The following LDLRAD4 variants were observed in gnomAD, a reference collection of about 807,000 sequenced individuals.
The protein encoded by LDLRAD4 is low density lipoprotein receptor class A domain containing 4.
A neutral mutation model predicts 17.0 loss-of-function variants in LDLRAD4; 5 were observed. The ratio of observed to expected loss-of-function variants is 0.29; its 90% confidence interval spans 0.15 to 0.62. The LOEUF (loss-of-function observed/expected upper bound fraction) is 0.62. Among genes scored for constraint, LDLRAD4 ranks in the 20% least tolerant of loss-of-function variants. LDLRAD4 has a pLI of 0.84. For synonymous variants in LDLRAD4, 168 were observed against 171.8 expected (o/e 0.98, Z 0.17); for missense variants, 340 against 424.7 (o/e 0.80, Z 1.75).
intron 1 of LDLRAD4, among the ~76,000 whole-genome samples, chr18:13,305,967 A>C (rs1218882808): frequency 6.6e-6 from 1 of 152,224 alleles, no homozygotes; most frequent in Non-Finnish European, 1.5e-5. Flanking sequence ...CTAAAGATGG[A>C]GAATTCAGTG....
chr18:13,284,372 A>C (rs943310599), intron 1 of LDLRAD4, among the ~76,000 whole-genome samples: 1 of 152,122 alleles, frequency 6.6e-6, no homozygotes, highest in Admixed American at 6.5e-5. Context: ...TTTCTCATCA[A>C]GCAGACCTGT....
chr18:13,386,922 A>G (rs796902754), intron 1 of LDLRAD4, among the ~76,000 whole-genome samples: 5 of 48,564 alleles, frequency 1.0e-4, no homozygotes, highest in Non-Finnish European at 1.9e-4. Flanking sequence ...ATAGATAGAT[A>G]GATAGATAGA....
rs937098773 is a variant in LDLRAD4 at position 13,391,811 on chromosome 18, A to T, written c.40+4049A>T. Among the ~76,000 whole-genome samples the T allele has an allele frequency of 2.6e-5, 4 of 152,210 alleles. No homozygotes were observed. In the East Asian group the frequency reaches 7.7e-4, roughly 29 times the overall value. ...AACTGTGTTCATAATAGTATTTAAT[A>T]TGGTAACTTGATCATTCCCTTTTAA... is the stretch of plus-strand genomic sequence containing the variant. On this transcript the variant is annotated intron_variant, in intron 2 of 5. Coordinates refer to ENST00000359446, the Ensembl canonical transcript of LDLRAD4.
In LDLRAD4 at chr18:13,297,989, G is replaced by A. The variant is rs529298396; in HGVS notation, c.-383+19801G>A. ...AGGCGCTAACCAGGAAGATGCATGG[G>A]GCATGCAGCAGGCAGAGCCTGGGTA... is the stretch of plus-strand genomic sequence containing the variant. On this transcript the variant is annotated intron_variant, in intron 1 of 5. Coordinates refer to ENST00000359446, the Ensembl canonical transcript of LDLRAD4. Among the ~76,000 whole-genome samples the A allele has an allele frequency of 5.3e-5, 8 of 152,342 alleles. No homozygotes were observed. The East Asian group carries it at 1.4e-3, about 26-fold the overall frequency.
At chr18:13,517,500 T>A (rs985217043) in intron 3 of LDLRAD4, among the ~76,000 whole-genome samples, 1 of 152,210 alleles carries the variant, frequency 6.6e-6, no homozygotes, top group Non-Finnish European at 1.5e-5. Context: ...TCCTTAGATG[T>A]CTGAATGTCT....
At chr18:13,528,954 G>T (rs969997624) in intron 3 of LDLRAD4, among the ~76,000 whole-genome samples, 1 of 152,242 alleles carries the variant, frequency 6.6e-6, no homozygotes, top group African/African-American at 2.4e-5. Flanking sequence ...CACGCTTTGG[G>T]TAGCGAGAGC....
chr18:13,272,145 C>T lies in LDLRAD4; in HGVS notation c.-466-5960C>T, dbSNP rs180673098. Among the ~76,000 whole-genome samples, 481 of 152,290 alleles carry T rather than the reference C, an allele frequency of 3.2e-3. 5 individuals are homozygous for T. The highest frequency in any genetic ancestry group is 0.011 in the African/African-American group (447 of 41,552). ...TCTTGACCTCGTGATCCACCCGCCTCAGCCTCCCAAAGTGCTGGGATTACA... is the reference window on the plus strand; with the variant it reads ...TCTTGACCTCGTGATCCACCCGCCTTAGCCTCCCAAAGTGCTGGGATTACA... On this transcript the variant is annotated intron_variant, in intron 1 of 5. Coordinates refer to the LDLRAD4 transcript ENST00000399848.
chr18:13,241,316 A>T (rs1057455288), intron 1 of LDLRAD4: 1 of 152,254 alleles, frequency 6.6e-6, no homozygotes, highest in Non-Finnish European at 1.5e-5. Flanking sequence ...GTCGAGTTCC[A>T]TGCTGGCCCC....
At chr18:13,605,995 A>T (rs185756202) in intron 3 of LDLRAD4, among the ~76,000 whole-genome samples, 4 of 152,240 alleles carry the variant, frequency 2.6e-5, no homozygotes, top group Non-Finnish European at 5.9e-5. Context: ...CTCCCAGGGG[A>T]TGCTGCTGCT....
chr18:13,560,782 C>A lies in LDLRAD4; in HGVS notation c.182-60335C>A, dbSNP rs181993143. Among the ~76,000 whole-genome samples, 106 of 152,290 alleles carry A rather than the reference C, an allele frequency of 7.0e-4. 1 individual carries two copies. The highest frequency in any genetic ancestry group is 2.4e-3 in the African/African-American group (101 of 41,564). Reference sequence around the variant, plus strand: ...AAAACTCCAATCTCAATTCCAACATCAAGTGTCCATGAAGCTGTAGTTGTT... The same window carrying A: ...AAAACTCCAATCTCAATTCCAACATAAAGTGTCCATGAAGCTGTAGTTGTT... On this transcript the variant is annotated intron_variant, in intron 3 of 5. Transcript: ENST00000359446.
intron 2 of LDLRAD4, among the ~76,000 whole-genome samples, chr18:13,388,746 C>T (rs1446518483): frequency 1.3e-5 from 2 of 152,212 alleles, no homozygotes; most frequent in Non-Finnish European, 2.9e-5. Flanking sequence ...GCCGTGGCTT[C>T]GGCGTGAAGA....
At chr18:13,537,568 C>A (rs1012340486) in intron 3 of LDLRAD4, among the ~76,000 whole-genome samples, 1 of 152,152 alleles carries the variant, frequency 6.6e-6, no homozygotes, top group African/African-American at 2.4e-5. Flanking sequence ...GCTCCCTCAC[C>A]CACCGCTCAC....
At chr18:13,258,893 C>T (rs1485357949) in intron 1 of LDLRAD4, among the ~76,000 whole-genome samples, 1 of 152,162 alleles carries the variant, frequency 6.6e-6, no homozygotes, top group Non-Finnish European at 1.5e-5. Flanking sequence ...CCCAGAAGCA[C>T]CATCTAAAAG....
At chr18:13,370,715 T>TTTTTTTTTTTGTTG (rs1555663257) in intron 1 of LDLRAD4, among the ~76,000 whole-genome samples, 5 of 121,000 alleles carry the variant, frequency 4.1e-5, no homozygotes, top group Admixed American at 8.5e-5. Flanking sequence ...TTTGTTTTGT[T>TTTTTTTTTTTGTTG]TTTTTTTTTT....
intron 4 of LDLRAD4, among the ~76,000 whole-genome samples, chr18:13,630,943 G>T (rs1568431178): frequency 6.6e-6 from 1 of 152,342 alleles, no homozygotes; most frequent in East Asian, 1.9e-4. Context: ...ACTGTGTTCA[G>T]TGCTCTCCCT....
chr18:13,276,668 ATGAGGT>A (rs1454224392), upstream of LDLRAD4, among the ~76,000 whole-genome samples: 1 of 152,208 alleles, frequency 6.6e-6, no homozygotes, highest in African/African-American at 2.4e-5. Flanking sequence ...AGGCCCCATC[ATGAGGT>A]GGCAGCTCGC....
At chr18:13,319,762 C>T (rs1315544001) in intron 1 of LDLRAD4, among the ~76,000 whole-genome samples, 2 of 151,976 alleles carry the variant, frequency 1.3e-5, no homozygotes. Flanking sequence ...TGGCAAAAAC[C>T]ATGAAAAGGG....
chr18:13,443,180 A>G (rs1316915856), intron 3 of LDLRAD4, among the ~76,000 whole-genome samples: 3 of 152,170 alleles, frequency 2.0e-5, no homozygotes, highest in Non-Finnish European at 2.9e-5. Context: ...ATAAAATAAA[A>G]TCCAACTTAT....
At chr18:13,476,072 C>A (rs2092931654) in intron 3 of LDLRAD4, among the ~76,000 whole-genome samples, 1 of 152,030 alleles carries the variant, frequency 6.6e-6, no homozygotes, top group South Asian at 2.1e-4. Flanking sequence ...CCGGGGGGAC[C>A]AGACTGAAGG....
Sources: gnomAD v4.1 joint callset for allele counts (sites outside exome capture counted in the v4.1 genomes callset) on GRCh38, gnomAD v4.1.1 for gene constraint, MANE v1.5 for transcripts, NCBI Gene and HGNC (gene_info 2026-07-23, HGNC 2026-07-21) for gene names.